The following EYS variants were observed in gnomAD, a reference collection of about 807,000 sequenced individuals.
The protein encoded by EYS is EGF-like photoreceptor maintenance factor, also known as protein eyes shut homolog.
A neutral mutation model predicts 282.1 loss-of-function variants in EYS; 250 were observed. The observed-to-expected ratio is 0.89, with a 90% CI of 0.80 to 0.98. The LOEUF (loss-of-function observed/expected upper bound fraction) is 0.98, where lower values mean the gene tolerates loss of function less well. Among genes scored for constraint, EYS ranks in the 50% least tolerant of loss-of-function variants. The pLI is 0.00. For synonymous variants in EYS, 1,355 were observed against 1,282.9 expected (o/e 1.06, Z -1.20); for missense variants, 4,016 against 3,709.0 (o/e 1.08, Z -2.15).
At chr6:64,296,081 G>T (rs1768972346) in intron 30 of EYS, among the ~76,000 whole-genome samples, 1 of 152,114 alleles carries the variant, frequency 6.6e-6, no homozygotes, top group Non-Finnish European at 1.5e-5. Context: ...AATGCCCATT[G>T]ATTGGGTTTT....
At chr6:64,091,337 T>C (rs1488200140) in intron 31 of EYS, among the ~76,000 whole-genome samples, 2 of 152,198 alleles carry the variant, frequency 1.3e-5, no homozygotes, top group Non-Finnish European at 2.9e-5. Flanking sequence ...TATGTCCTTA[T>C]TTTATCTCTG....
At position 64,254,440 on chromosome 6, in the gene EYS, G is replaced by T. The variant is rs943495731; in HGVS notation, c.6192-23616C>A. Among the ~76,000 whole-genome samples, 3 of 151,958 alleles carry T rather than the reference G, an allele frequency of 2.0e-5. No homozygotes were observed. In the South Asian group the frequency reaches 6.2e-4, roughly 32 times the overall value. On this transcript the variant is annotated intron_variant, in intron 30 of 42. Transcript: ENST00000503581. ...GCTGACCTATCTTACTACATCAATG[G>T]GGCCCCTCTGCGCTCTGTATTTTAG...
At chr6:65,694,625 C>T (rs1345963825) in intron 1 of EYS, among the ~76,000 whole-genome samples, 5 of 146,902 alleles carry the variant, frequency 3.4e-5, no homozygotes, top group African/African-American at 1.0e-4. Flanking sequence ...GGTCAGCCTG[C>T]CTGACTTGGA....
At chr6:65,253,294 A>T (rs1767374012) in intron 12 of EYS, among the ~76,000 whole-genome samples, 1 of 151,962 alleles carries the variant, frequency 6.6e-6, no homozygotes, top group Admixed American at 6.6e-5. Flanking sequence ...GCTTTGAAAT[A>T]ATTTTCTTAT....
intron 19 of EYS, among the ~76,000 whole-genome samples, chr6:64,864,332 G>A (rs1766344845): frequency 6.9e-6 from 1 of 145,510 alleles, no homozygotes; most frequent in Non-Finnish European, 1.5e-5. Flanking sequence ...GTTGGCACAA[G>A]TGCTATTGAG....
intron 35 of EYS, among the ~76,000 whole-genome samples, chr6:63,934,986 G>A (rs115881887): frequency 0.017 from 2,514 of 151,948 alleles, 66 homozygotes; most frequent in African/African-American, 0.058. Flanking sequence ...ACACAGCCCC[G>A]CACCTCCTCC....
intron 24 of EYS, among the ~76,000 whole-genome samples, chr6:64,603,025 C>T (rs1394126219): frequency 6.6e-6 from 1 of 151,888 alleles, no homozygotes; most frequent in Admixed American, 6.6e-5. Context: ...GTTGGGTGGA[C>T]TTCCTGAGGA....
chr6:65,398,672 T>G (rs374229037), intron 7 of EYS, among the ~76,000 whole-genome samples: 1 of 152,092 alleles, frequency 6.6e-6, no homozygotes, highest in African/African-American at 2.4e-5. Flanking sequence ...TGGTTTTAAA[T>G]GTCATGTCTC....
chr6:64,779,310 A>T (rs1402611064), intron 22 of EYS, among the ~76,000 whole-genome samples: 2 of 152,220 alleles, frequency 1.3e-5, no homozygotes, highest in Non-Finnish European at 2.9e-5. Flanking sequence ...TGTTTCAGGG[A>T]TGGAAAAATG....
intron 2 of EYS, among the ~76,000 whole-genome samples, chr6:65,590,879 A>C (rs1765207803): frequency 6.6e-6 from 1 of 151,216 alleles, no homozygotes. Context: ...TCCATTCTTC[A>C]GTTGATGGAC....
chr6:65,231,038 C>A (rs1766758012), intron 12 of EYS, among the ~76,000 whole-genome samples: 1 of 112,256 alleles, frequency 8.9e-6, no homozygotes, highest in Non-Finnish European at 1.9e-5. Flanking sequence ...GCACTTGTAC[C>A]CCAAAATTAA....
At position 65,322,184 on chromosome 6, in the gene EYS, G is replaced by A. The variant is rs147874543; in HGVS notation, c.1766+12796C>T. Among the ~76,000 whole-genome samples the A allele has an allele frequency of 8.4e-3, 1,273 of 152,176 alleles. 18 individuals are homozygous for A. The highest frequency in any genetic ancestry group is 0.029 in the African/African-American group (1,207 of 41,480). ...TCACCTTTTTCTTCATTTTATTCTT[G>A]CATATGCAAGATCTAATTATCCAGA... On this transcript the variant is annotated intron_variant, in intron 11 of 42. Coordinates refer to ENST00000503581, the MANE Select transcript of EYS (RefSeq NM_001142800.2).
At chr6:64,499,321 T>C (rs7739522) in intron 26 of EYS, among the ~76,000 whole-genome samples, 7,876 of 152,280 alleles carry the variant, frequency 0.052, 687 homozygotes, top group African/African-American at 0.18. Context: ...TTTATGTCTC[T>C]TGGCTTTTCA....
At chr6:64,701,567 A>G (rs1033187399) in intron 22 of EYS, among the ~76,000 whole-genome samples, 2 of 152,122 alleles carry the variant, frequency 1.3e-5, no homozygotes, top group Non-Finnish European at 2.9e-5. Context: ...CATGTATAGA[A>G]CTGGAGGCCT....
At chr6:63,814,311 T>C (rs1202865586) in intron 36 of EYS, among the ~76,000 whole-genome samples, 1 of 152,162 alleles carries the variant, frequency 6.6e-6, no homozygotes, top group African/African-American at 2.4e-5. Flanking sequence ...AAACATACAG[T>C]TACCTTTTCC....
chr6:64,955,711 T>G (rs1055104263), intron 14 of EYS, among the ~76,000 whole-genome samples: 5 of 152,206 alleles, frequency 3.3e-5, no homozygotes, highest in African/African-American at 1.2e-4. Flanking sequence ...GGAGTCACTA[T>G]GGTCTACTCC....
At chr6:63,755,939 T>C (rs1769469432) in intron 41 of EYS, among the ~76,000 whole-genome samples, 2 of 152,144 alleles carry the variant, frequency 1.3e-5, no homozygotes, top group Non-Finnish European at 2.9e-5. Context: ...TTGTCTATTA[T>C]TGGTGTATAG....
Position 64,819,529 on chromosome 6 carries a change from G to C in EYS, c.3243+2116C>G, listed in dbSNP as rs1419910045. Among the ~76,000 whole-genome samples, 5 of 151,676 alleles carry C rather than the reference G, an allele frequency of 3.3e-5. No homozygotes were observed. In the East Asian group the frequency reaches 7.7e-4, roughly 23 times the overall value. On this transcript the variant is annotated intron_variant, in intron 21 of 42. Transcript: ENST00000503581. ...ACAGACCCTTTGATAAAATTTCTTG[G>C]AAAAAATGATTATACTTAAAAGAAA... is the stretch of plus-strand genomic sequence containing the variant.
chr6:65,145,126 TA>T (rs11315134), intron 12 of EYS, among the ~76,000 whole-genome samples: 18,191 of 151,918 alleles, frequency 0.12, 1,401 homozygotes, highest in African/African-American at 0.22. Flanking sequence ...TACCTCCTTT[TA>T]TTTTTTATTA....
Sources: gnomAD v4.1 joint callset for allele counts (sites outside exome capture counted in the v4.1 genomes callset) on GRCh38, gnomAD v4.1.1 for gene constraint, MANE v1.5 for transcripts, NCBI Gene and HGNC (gene_info 2026-07-23, HGNC 2026-07-21) for gene names.